DSE: variants seen among roughly 807,000 people sequenced by gnomAD.
DSE encodes the protein dermatan-sulfate epimerase.
Under a neutral mutation model 84.4 loss-of-function variants are expected in DSE, and 36 were observed. The observed-to-expected ratio is 0.43, with a 90% CI of 0.33 to 0.56. DSE has a LOEUF of 0.56. Ranked by LOEUF, DSE falls within the 20% of genes least tolerant of loss-of-function variation. The pLI is 0.06. For missense variants in DSE, 862 were observed against 1,169.6 expected (o/e 0.74, Z 3.84); for synonymous variants, 410 against 430.1 (o/e 0.95, Z 0.58).
chr6:116,355,025 A>G (rs901411892), intron 2 of DSE, among the ~76,000 whole-genome samples: 14 of 152,186 alleles, frequency 9.2e-5, no homozygotes, highest in African/African-American at 3.1e-4. Flanking sequence ...ACACATACAT[A>G]TATAAAGGCA....
chr6:116,430,874 A>G (rs1362185794), intron 3 of DSE, 80 bp from the exon 4 acceptor site: 3 of 1,560,134 alleles, frequency 1.9e-6, no homozygotes, highest in Non-Finnish European at 2.6e-6. Flanking sequence ...TAGATAACTC[A>G]GAGGGTTTTA....
At chr6:116,271,876 A>T (rs954289680) in intron 2 of DSE, among the ~76,000 whole-genome samples, 4 of 152,194 alleles carry the variant, frequency 2.6e-5, no homozygotes, top group African/African-American at 9.7e-5. Flanking sequence ...TCTTAAATAT[A>T]TACTTGGACA....
intron 2 of DSE, among the ~76,000 whole-genome samples, chr6:116,276,084 G>C (rs773475573): frequency 2.0e-5 from 3 of 152,168 alleles, no homozygotes; most frequent in Non-Finnish European, 4.4e-5. Flanking sequence ...CTAGAACAGA[G>C]GTCCCTCCAA....
intron 2 of DSE, among the ~76,000 whole-genome samples, chr6:116,333,516 C>A (rs1373242583): frequency 1.3e-5 from 2 of 152,224 alleles, no homozygotes; most frequent in African/African-American, 4.8e-5. Flanking sequence ...AATACCGTTA[C>A]ATTGGCAATT....
At chr6:116,288,734 A>G (rs1339239880) in intron 2 of DSE, among the ~76,000 whole-genome samples, 2 of 152,110 alleles carry the variant, frequency 1.3e-5, no homozygotes, top group Non-Finnish European at 2.9e-5. Context: ...AGTGGCTGCT[A>G]TATTGGATCT....
intron 2 of DSE, among the ~76,000 whole-genome samples, chr6:116,418,215 G>T (rs1226679604): frequency 6.6e-6 from 1 of 152,134 alleles, no homozygotes; most frequent in Non-Finnish European, 1.5e-5. Flanking sequence ...TTCTTAGGCA[G>T]ACACTTTCAA....
chr6:116,370,344 A>G (rs1324562985), upstream of DSE: 5 of 457,394 alleles, frequency 1.1e-5, no homozygotes, highest in Admixed American at 5.9e-5. Context: ...TTGTTGGTAC[A>G]GTAAAAAAGA....
At chr6:116,401,871 C>T (rs2115000581) in intron 2 of DSE, among the ~76,000 whole-genome samples, 1 of 147,410 alleles carries the variant, frequency 6.8e-6, no homozygotes, top group Admixed American at 6.7e-5. Context: ...AAAACAAAAA[C>T]AAAAAACTAG....
At chr6:116,265,873 C>T (rs1772600166) in intron 2 of DSE, among the ~76,000 whole-genome samples, 2 of 152,312 alleles carry the variant, frequency 1.3e-5, no homozygotes, top group Middle Eastern at 3.4e-3. Context: ...ACAGATGCTC[C>T]CACATCAAAC....
chr6:116,279,420 G>C, intron 2 of DSE: 2 of 1,613,340 alleles, frequency 1.2e-6, no homozygotes, highest in Non-Finnish European at 1.7e-6. Flanking sequence ...CGGATCTCTG[G>C]GCGCCACAGA....
intron 2 of DSE, among the ~76,000 whole-genome samples, chr6:116,293,430 C>G (rs1468302682): frequency 6.6e-6 from 1 of 152,026 alleles, no homozygotes; most frequent in Non-Finnish European, 1.5e-5. Context: ...CTCCACCATG[C>G]CCAGCTAATT....
chr6:116,321,116 C>G (rs1056663192), intron 2 of DSE, among the ~76,000 whole-genome samples: 2 of 152,120 alleles, frequency 1.3e-5, no homozygotes, highest in Admixed American at 6.5e-5. Flanking sequence ...GGTATTGCTT[C>G]CCAGGTCACA....
At chr6:116,382,071 G>GTGTGTGTGTC (rs372457142) in intron 1 of DSE, among the ~76,000 whole-genome samples, 4 of 148,082 alleles carry the variant, frequency 2.7e-5, no homozygotes, top group Admixed American at 1.4e-4. Flanking sequence ...GTGTGTGTGT[G>GTGTGTGTGTC]TCTCCAAATT....
intron 2 of DSE, among the ~76,000 whole-genome samples, chr6:116,409,086 A>G (rs1212213359): frequency 1.3e-5 from 2 of 152,142 alleles, no homozygotes; most frequent in East Asian, 1.9e-4. Flanking sequence ...GGGGATATAT[A>G]TGATATATAC....
intron 2 of DSE, among the ~76,000 whole-genome samples, chr6:116,325,689 C>T (rs145011032): frequency 5.9e-5 from 9 of 152,272 alleles, no homozygotes; most frequent in Non-Finnish European, 1.2e-4. Flanking sequence ...AAATACATAA[C>T]CCATGTATAG....
chr6:116,276,711 G>A (rs1773159692), intron 2 of DSE: 1 of 152,122 alleles, frequency 6.6e-6, no homozygotes, highest in Admixed American at 6.5e-5. Flanking sequence ...TGGGTAAGGT[G>A]AAAAATAAGA....
intron 1 of DSE, among the ~76,000 whole-genome samples, chr6:116,377,247 G>A (rs960254508): frequency 1.4e-4 from 22 of 152,074 alleles, no homozygotes; most frequent in Non-Finnish European, 2.2e-4. Flanking sequence ...CATTTAATGC[G>A]TACAAACATT....
chr6:116,269,731 T>C (rs1184478989), intron 2 of DSE, among the ~76,000 whole-genome samples: 3 of 152,160 alleles, frequency 2.0e-5, no homozygotes, highest in African/African-American at 7.2e-5. Flanking sequence ...CTTTATAAAA[T>C]ATATTAAGAA....
intron 1 of DSE, among the ~76,000 whole-genome samples, chr6:116,379,914 A>G (rs1384457472): frequency 1.3e-5 from 2 of 152,192 alleles, no homozygotes; most frequent in Non-Finnish European, 2.9e-5. Context: ...TATTTAGACT[A>G]CAAATTGCCA....
Sources: allele counts gnomAD v4.1 joint callset (sites outside exome capture counted in the v4.1 genomes callset), GRCh38; gene constraint gnomAD v4.1.1; transcripts MANE v1.5; gene names NCBI Gene and HGNC (gene_info 2026-07-23, HGNC 2026-07-21).